SRPRA: variants seen among roughly 807,000 people sequenced by gnomAD.
SRPRA encodes the protein signal recognition particle receptor subunit alpha.
A neutral mutation model predicts 61.1 loss-of-function variants in SRPRA; 30 were observed. That is an observed-to-expected ratio of 0.49 (90% CI 0.37 to 0.67). The LOEUF (loss-of-function observed/expected upper bound fraction) is 0.67. SRPRA is among the 30% of genes least tolerant of loss of function. The probability of loss-of-function intolerance (pLI) is 0.00; values close to 1 mark genes in which losing one functional copy is unlikely to be tolerated. For synonymous variants in SRPRA, 324 were observed against 299.7 expected (o/e 1.08, Z -0.84); for missense variants, 759 against 828.4 (o/e 0.92, Z 1.03).
In SRPRA at chr11:126,266,154, G is replaced by A. The variant is rs766389685; in HGVS notation, c.932+33C>T. ...GTTGTATCTTACCAGTTTTGCAGATGCATATACCAACCCCCACCTGAAATT... is the reference window on the plus strand; with the variant it reads ...GTTGTATCTTACCAGTTTTGCAGATACATATACCAACCCCCACCTGAAATT... On this transcript the variant is annotated intron_variant, in intron 7 of 13. Transcript: ENST00000332118. 6 of 1,612,556 alleles carry A rather than the reference G, an allele frequency of 3.7e-6. No individual in the cohort carries two copies. In the African/African-American group the frequency reaches 8.0e-5, roughly 22 times the overall value.
Position 126,266,195 on chromosome 11 carries a change from G to C in SRPRA, c.924C>G (p.Thr308=), listed in dbSNP as rs758674379. Residue 308 remains threonine, a synonymous_variant, in exon 7 of 14, where the codon ACC becomes ACG. Coordinates refer to ENST00000332118, the MANE Select transcript of SRPRA (RefSeq NM_003139.4). ...SDDEGAAQNS[T]KPSATKGTLG... is the part of the protein sequence containing the mutation. ...ACCTGAAATTCCCCTACCTAGGTTT[G>C]GTAGAGTTTTGAGCAGCCCCTTCGT... is the stretch of plus-strand genomic sequence containing the variant. The C allele has an allele frequency of 6.2e-7, 1 of 1,614,110 alleles. No homozygotes were observed. The highest frequency in any genetic ancestry group is 1.3e-5 in the African/African-American group (1 of 75,024).
At chr11:126,239,980 A>C in the SRPRA span, among the ~76,000 whole-genome samples, 3 of 152,152 alleles carry the variant, frequency 2.0e-5, no homozygotes, top group African/African-American at 7.2e-5. Context: ...TTAGACAAAA[A>C]GGTTGGGGAG....
At position 126,268,009 on chromosome 11, in the gene SRPRA, C is replaced by T. The variant is rs777461189; in HGVS notation, c.195G>A (p.Val65=). The change falls in exon 2 of 14, where the codon GTG becomes GTA. Residue 65 remains valine (V), a synonymous_variant. Coordinates refer to ENST00000332118, the MANE Select transcript of SRPRA (RefSeq NM_003139.4). The part of the protein sequence containing the change: ...KYKLDNQFEL[V]FVVGFQKILT... ...TCTACAACACCCCACTTACCACAAA[C>T]ACCAGCTCAAACTGGTTGTCCAGTT... 2 of 1,614,154 alleles carry T rather than the reference C, an allele frequency of 1.2e-6. No individual in the cohort carries two copies. The highest frequency in any genetic ancestry group is 1.1e-5 in the South Asian group (1 of 91,088).
At position 126,268,868 on chromosome 11, in the gene SRPRA, C is replaced by T. The variant is rs1950881908; in HGVS notation, c.-64G>A. ...TTCAGGCCGCGTTCGCCGCCGCTTC[C>T]TGCTGCGCCAAGCGCGGGACACGTC... On this transcript the variant is annotated 5_prime_UTR_variant, in exon 1 of 14. Coordinates refer to ENST00000332118, the MANE Select transcript of SRPRA (RefSeq NM_003139.4). 4 of 1,374,760 alleles carry T rather than the reference C, an allele frequency of 2.9e-6. No homozygotes were observed. The African/African-American group carries it at 4.3e-5, about 15-fold the overall frequency. 85.2% of individuals were successfully genotyped at this position (1,374,760 alleles called of 1,614,324 possible). A position where few individuals can be genotyped will look rare whatever the true frequency, so the allele number is the denominator to read the frequency against.
At chr11:126,237,938 C>G in the SRPRA span, among the ~76,000 whole-genome samples, 1 of 150,926 alleles carries the variant, frequency 6.6e-6, no homozygotes, top group Non-Finnish European at 1.5e-5. Context: ...CCTTCCCATA[C>G]TATCTCTTAT....
the SRPRA span, among the ~76,000 whole-genome samples, chr11:126,257,163 A>G: frequency 2.6e-5 from 4 of 152,230 alleles, no homozygotes; most frequent in African/African-American, 9.6e-5. Flanking sequence ...AGATCACCCA[A>G]TTTTGGCTAA....
chr11:126,261,579 A>G, downstream of SRPRA: 1 of 992,270 alleles, frequency 1.0e-6, no homozygotes, highest in South Asian at 1.4e-5. Context: ...TTTGGACCTC[A>G]CATTGCCAAA....
At chr11:126,260,592 C>G (rs1410988800), downstream of SRPRA, 1 of 152,074 alleles carries the variant, frequency 6.6e-6, no homozygotes, top group East Asian at 1.9e-4. Flanking sequence ...AAAATAACAT[C>G]TGTATCTCTT....
At chr11:126,266,136 C>T in intron 7 of SRPRA, 51 bp downstream of exon 7, 1 of 1,613,130 alleles carries the variant, frequency 6.2e-7, no homozygotes, top group Non-Finnish European at 8.5e-7. Flanking sequence ...GGAGTTGTAT[C>T]TTACCAGTTT....
chr11:126,261,296 T>C (rs536849960), downstream of SRPRA: 125 of 686,166 alleles, frequency 1.8e-4, no homozygotes, highest in African/African-American at 1.9e-3. Flanking sequence ...TTCTCAATGA[T>C]TGTTTCATTT....
the SRPRA span, chr11:126,254,513 A>G: frequency 1.9e-6 from 3 of 1,556,080 alleles, no homozygotes; most frequent in Non-Finnish European, 2.6e-6. Context: ...CTTAAAGGGG[A>G]ACATCTTCTT....
the SRPRA span, among the ~76,000 whole-genome samples, chr11:126,239,187 C>T: frequency 1.3e-5 from 2 of 151,918 alleles, no homozygotes; most frequent in African/African-American, 4.8e-5. Flanking sequence ...GTTGCCTAGG[C>T]TTGTCTCAAA....
chr11:126,247,850 T>C, the SRPRA span, among the ~76,000 whole-genome samples: 5 of 135,310 alleles, frequency 3.7e-5, no homozygotes, highest in East Asian at 1.1e-3. Context: ...AGATCGAGAC[T>C]CCATCTCAAA....
the SRPRA span, chr11:126,250,769 GT>G: frequency 6.7e-7 from 1 of 1,483,096 alleles, no homozygotes; most frequent in Non-Finnish European, 9.3e-7. The surrounding 1 kb of genome is among the most constrained non-coding windows in gnomAD (Gnocchi z 5.1). Context: ...CTTCAGGCTA[GT>G]GGATTTTATC....
At chr11:126,260,838 G>A (rs1950676936), downstream of SRPRA, 1 of 152,252 alleles carries the variant, frequency 6.6e-6, no homozygotes. Context: ...GTGTTATCCA[G>A]TAGAATTTCC....
At chr11:126,261,563 T>A, downstream of SRPRA, 1 of 1,261,578 alleles carries the variant, frequency 7.9e-7, no homozygotes, top group Non-Finnish European at 1.1e-6. Flanking sequence ...ATATAGAGAA[T>A]GTTACTTTGG....
chr11:126,249,987 A>G, the SRPRA span, among the ~76,000 whole-genome samples: 7 of 152,070 alleles, frequency 4.6e-5, no homozygotes, highest in African/African-American at 1.4e-4. Flanking sequence ...AAGCTTACGT[A>G]TAGTAGCACT....
chr11:126,256,873 G>A, the SRPRA span: 1 of 1,593,792 alleles, frequency 6.3e-7, no homozygotes, highest in South Asian at 1.1e-5. This position sits in a 1 kb window ranked among gnomAD's most constrained non-coding sequence, Gnocchi z 6.6. Flanking sequence ...TTTTGAAGCT[G>A]AGGGGAATCA....
chr11:126,259,416 GT>G (rs1950636468), downstream of SRPRA, among the ~76,000 whole-genome samples: 1 of 147,904 alleles, frequency 6.8e-6, no homozygotes, highest in South Asian at 2.1e-4. Flanking sequence ...ACAAGCAGTC[GT>G]TGTGGTACTT....
Sources: gnomAD v4.1 joint callset for allele counts (sites outside exome capture counted in the v4.1 genomes callset) on GRCh38, gnomAD v4.1.1 for gene constraint, Gnocchi (gnomAD v3.1) non-coding constraint, MANE v1.5 for transcripts, NCBI Gene and HGNC (gene_info 2026-07-23, HGNC 2026-07-21) for gene names.